The following XRCC3 variants were observed in gnomAD, a reference collection of about 807,000 sequenced individuals.
XRCC3 encodes DNA repair protein XRCC3.
A neutral mutation model predicts 29.2 loss-of-function variants in XRCC3; 34 were observed. The observed-to-expected ratio is 1.16, with a 90% CI of 0.88 to 1.55. XRCC3 has a LOEUF of 1.55. Among genes scored for constraint, XRCC3 ranks in the 40% most tolerant of loss-of-function variants. XRCC3 has a pLI of 0.00. For synonymous variants in XRCC3, 223 were observed against 211.3 expected, an observed-to-expected ratio of 1.06 and a Z score of -0.48; for missense variants, 463 against 467.6, an observed-to-expected ratio of 0.99 and a Z score of 0.09.
At chr14:103,701,582 T>TG (rs2083196475) in intron 7 of XRCC3, 2 of 194,372 alleles carry the variant, frequency 1.0e-5, no homozygotes, top group Admixed American at 6.0e-5. Context: ...CTCTTAGAAG[T>TG]GGGGGAAGGC....
chr14:103,698,402 G>C lies in XRCC3; in HGVS notation c.*396C>G. 1 of 294,854 alleles carries C rather than the reference G, an allele frequency of 3.4e-6. No individual in the cohort carries two copies. The highest frequency in any genetic ancestry group is 6.6e-6 in the Non-Finnish European group (1 of 151,234). 18.3% of individuals were successfully genotyped at this position (294,854 alleles called of 1,614,324 possible). On this transcript the variant is annotated 3_prime_UTR_variant, in exon 10 of 10. Coordinates refer to ENST00000555055, the MANE Select transcript of XRCC3 (RefSeq NM_005432.4). Reference sequence around the variant, plus strand: ...CACGGTCCCAAGGCTGAGGGGGTCTGAGGCCCCAGCCCAGGGGGCAGGCCT... The same window carrying C: ...CACGGTCCCAAGGCTGAGGGGGTCTCAGGCCCCAGCCCAGGGGGCAGGCCT...
chr14:103,699,457 G>C lies in XRCC3; in HGVS notation c.681C>G (p.Ala227=). ...GCAGATGCCTGGCCCTGGGGGCGGA[G>C]GCCTGGCTGTCAAATTCACAGCGGA... is the stretch of plus-strand genomic sequence containing the variant. ...APFRCEFDSQ[A]SAPRARHLQS... Residue 227 remains alanine (A), a synonymous_variant, in exon 8 of 10, where the codon GCC becomes GCG. Transcript: ENST00000555055. 6.2e-7 allele frequency: 1 copy of C among 1,612,844 alleles called. No homozygotes were observed.
rs199529797 is a variant in XRCC3, at chr14:103,708,710, G to A, written c.56-51C>T. 2.7e-4 allele frequency: 434 copies of A among 1,611,814 alleles called. 3 individuals carry two copies. The Middle Eastern group carries it at 0.012, about 45-fold the overall frequency. ...GAAAATGTCAGACTGTCACAACGCAGGGCAACACAGTGACAAAAGGTGCTT... is the reference window on the plus strand; with the variant it reads ...GAAAATGTCAGACTGTCACAACGCAAGGCAACACAGTGACAAAAGGTGCTT... On this transcript the variant is annotated intron_variant, in intron 4 of 9. Transcript: ENST00000555055.
rs2151931360 is a variant in XRCC3 at position 103,703,282 on chromosome 14, A to G, written c.452T>C (p.Leu151Pro). Residue 151 changes from leucine to proline, a missense_variant, in exon 7 of 10, where the codon CTG (leucine) becomes CCG (proline). Physicochemically the swap from Leu to Pro is moderately conservative, Grantham distance 98. Coordinates refer to ENST00000555055, the MANE Select transcript of XRCC3 (RefSeq NM_005432.4). ...CGGCTGCTGGGCCATGAGCTGCTGC[A>G]GGCGCTTGTGCGGGAAGGCGTCTTC... is the stretch of plus-strand genomic sequence containing the variant. Reference protein sequence around the residue: ...CTEDAFPHKRLQQLMAQQPRL... With the variant: ...CTEDAFPHKRPQQLMAQQPRL... 1 of 1,558,048 alleles carries G rather than the reference A, an allele frequency of 6.4e-7. No individual in the cohort carries two copies. The highest frequency in any genetic ancestry group is 8.7e-7 in the Non-Finnish European group (1 of 1,153,292).
chr14:103,702,906 C>T, intron 7 of XRCC3: 1 of 517,908 alleles, frequency 1.9e-6, no homozygotes, highest in Non-Finnish European at 3.5e-6. Context: ...CAGAGGCCGT[C>T]TGATCCCCAA....
At chr14:103,700,185 G>C in intron 7 of XRCC3, 1 of 197,782 alleles carries the variant, frequency 5.1e-6, no homozygotes. Context: ...TGTAGGTTGA[G>C]ACACCCTCAA....
chr14:103,706,659 C>T (rs74085269), intron 6 of XRCC3: 442 of 409,168 alleles, frequency 1.1e-3, no homozygotes, highest in African/African-American at 8.6e-3. Flanking sequence ...GTGCTGCCCT[C>T]CCTGCGTTGC....
chr14:103,706,640 G>C (rs1232183030), intron 6 of XRCC3: 4 of 393,562 alleles, frequency 1.0e-5, no homozygotes, highest in East Asian at 1.2e-4. Flanking sequence ...GGGCACCCGG[G>C]GAAAGGCTGT....
Position 103,698,611 on chromosome 14 carries a change from C to T in XRCC3, c.*187G>A. ...AGACCCAGGGAGAGGCAGAACATCC[C>T]CCCAGCTCAGATGGGGGTCAGTCTG... is the stretch of plus-strand genomic sequence containing the variant. On this transcript the variant is annotated 3_prime_UTR_variant, in exon 10 of 10. Transcript: ENST00000555055. 2 of 638,654 alleles carry T rather than the reference C, an allele frequency of 3.1e-6. No individual in the cohort carries two copies. Among genetic ancestry groups the T allele is most frequent in the Non-Finnish European group, 5.5e-6 (2 of 361,116 alleles). 39.6% of individuals were successfully genotyped at this position (638,654 alleles called of 1,614,324 possible).
intron 6 of XRCC3, 48 bp downstream of exon 6, chr14:103,706,955 C>T (rs1437518114): frequency 6.5e-7 from 1 of 1,528,822 alleles, no homozygotes; most frequent in Non-Finnish European, 8.8e-7. Context: ...CCACACAAAG[C>T]AGGGGCCGCC....
chr14:103,703,774 T>C (rs1391199583), intron 6 of XRCC3: 1 of 252,582 alleles, frequency 4.0e-6, no homozygotes, highest in African/African-American at 2.2e-5. Context: ...TGAGCAAGCG[T>C]TTCCTCTCTT....
Position 103,707,077 on chromosome 14 carries a change from G to C in XRCC3, c.332C>G (p.Ala111Gly), listed in dbSNP as rs1394660882. ...CTGCAGCGCCAGCTGGGTCTTCCCT[G>C]CCGAGCTGCGTCCGGCCAGCTCAGT... ...GITELAGRSS[A>G]GKTQLALQLC... The change falls in exon 6 of 10, where the codon GCA becomes GGA. Residue 111 changes from alanine to glycine, a missense_variant. Physicochemically the swap from Ala to Gly is moderately conservative, Grantham distance 60. Coordinates refer to ENST00000555055, the MANE Select transcript of XRCC3 (RefSeq NM_005432.4). 6.4e-7 allele frequency: 1 copy of C among 1,559,790 alleles called. No homozygotes were observed. Among genetic ancestry groups the C allele is most frequent in the Admixed American group, 1.9e-5 (1 of 52,770 alleles).
chr14:103,700,083 C>G, intron 7 of XRCC3: 1 of 226,314 alleles, frequency 4.4e-6, no homozygotes, highest in Non-Finnish European at 8.9e-6. Flanking sequence ...GGGCCTGATG[C>G]CCTTCAGGCG....
Position 103,698,663 on chromosome 14 carries a change from G to A in XRCC3, c.*135C>T. 1.3e-6 allele frequency: 1 copy of A among 793,522 alleles called. No individual in the cohort carries two copies. The highest frequency in any genetic ancestry group is 2.1e-6 in the Non-Finnish European group (1 of 478,358). 49.2% of individuals were successfully genotyped at this position (793,522 alleles called of 1,614,324 possible). ...GGCCACCATCTTCGGATGAGAAAGT[G>A]GAGCCGCTGCCCTGGAAGAGCTGTG... On this transcript the variant is annotated 3_prime_UTR_variant, in exon 10 of 10. Coordinates refer to ENST00000555055, the MANE Select transcript of XRCC3 (RefSeq NM_005432.4).
Position 103,711,037 on chromosome 14 carries a change from C to T in XRCC3, c.51G>A (p.Lys17=). ...TGTAAATAGAAATAAATGTACCTTT[C>T]TTAATTGCAGCAATAATTCTGGGAT... The part of the protein sequence containing the change: ...DLNPRIIAAI[K]KAKLKSVKEV... The change falls in exon 4 of 10, where the codon AAG becomes AAA. Residue 17 remains lysine, a synonymous_variant. Transcript: ENST00000555055. The T allele has an allele frequency of 1.2e-6, 2 of 1,614,152 alleles. No homozygotes were observed. The highest frequency in any genetic ancestry group is 1.7e-6 in the Non-Finnish European group (2 of 1,179,996).
At position 103,698,611 on chromosome 14, in the gene XRCC3, C is replaced by G. The variant is rs1222742049; in HGVS notation, c.*187G>C. The G allele has an allele frequency of 1.6e-6, 1 of 638,536 alleles. No individual in the cohort carries two copies. Among genetic ancestry groups the G allele is most frequent in the Non-Finnish European group, 2.8e-6 (1 of 361,124 alleles). The allele number at this position is 638,536 out of a possible 1,614,324, so 39.6% of individuals were successfully genotyped here. A position where few individuals can be genotyped will look rare whatever the true frequency, so the allele number is the denominator to read the frequency against. ...AGACCCAGGGAGAGGCAGAACATCC[C>G]CCCAGCTCAGATGGGGGTCAGTCTG... On this transcript the variant is annotated 3_prime_UTR_variant, in exon 10 of 10. Coordinates refer to ENST00000555055, the MANE Select transcript of XRCC3 (RefSeq NM_005432.4).
intron 7 of XRCC3, chr14:103,699,957 C>A: frequency 3.0e-6 from 1 of 333,920 alleles, no homozygotes; most frequent in Non-Finnish European, 5.8e-6. Flanking sequence ...TCAGCAGCAA[C>A]CAGCCCCCTC....
chr14:103,701,216 C>A (rs1450696292), intron 7 of XRCC3: 3 of 1,550,626 alleles, frequency 1.9e-6, no homozygotes, highest in Non-Finnish European at 2.6e-6. Context: ...CCGACCTGGC[C>A]CCGCTCCAGG....
At chr14:103,706,791 ACCCTCCCAC>A in intron 6 of XRCC3, 1 of 648,198 alleles carries the variant, frequency 1.5e-6, no homozygotes. Flanking sequence ...TGGGGTTCGT[ACCCTCCCAC>A]CCCTCCTGCT....
Sources: allele counts gnomAD v4.1 joint callset, GRCh38; gene constraint gnomAD v4.1.1; transcripts MANE v1.5; gene names NCBI Gene and HGNC (gene_info 2026-07-23, HGNC 2026-07-21).